Variants in FNDC3B observed in about 807,000 individuals in gnomAD.
FNDC3B encodes fibronectin type III domain containing 3B, also known as fibronectin type III domain-containing protein 3B.
In FNDC3B, 12 loss-of-function variants were observed where a neutral mutation model predicts 151.5. The observed-to-expected ratio is 0.08, with a 90% CI of 0.05 to 0.13. The LOEUF is 0.13. Ranked by LOEUF, FNDC3B falls within the 10% of genes least tolerant of loss-of-function variation. The probability of loss-of-function intolerance (pLI) is 1.00; values close to 1 mark genes in which losing one functional copy is unlikely to be tolerated. For synonymous variants in FNDC3B, 528 were observed against 549.0 expected (o/e 0.96, Z 0.54); for missense variants, 1,214 against 1,505.3 (o/e 0.81, Z 3.20).
At chr3:172,324,656 C>G (rs1232927152) in intron 11 of FNDC3B, among the ~76,000 whole-genome samples, 3 of 152,210 alleles carry the variant, frequency 2.0e-5, no homozygotes, top group African/African-American at 7.2e-5. Flanking sequence ...GGAAACAAGC[C>G]AGTGCACCCT....
At chr3:172,151,207 ACT>A (rs1249425697) in intron 3 of FNDC3B, among the ~76,000 whole-genome samples, 1 of 152,060 alleles carries the variant, frequency 6.6e-6, no homozygotes. Context: ...AGACACACAC[ACT>A]CTGTATGTGT....
chr3:172,253,252 A>G (rs1030905506), intron 6 of FNDC3B, among the ~76,000 whole-genome samples: 8 of 152,256 alleles, frequency 5.3e-5, no homozygotes, highest in African/African-American at 1.9e-4. Flanking sequence ...TGATAAGGGA[A>G]GGAAAATATT....
chr3:172,117,735 A>G (rs1484894496), intron 2 of FNDC3B, among the ~76,000 whole-genome samples: 1 of 152,194 alleles, frequency 6.6e-6, no homozygotes, highest in Non-Finnish European at 1.5e-5. Context: ...ATTGGATTAG[A>G]TACCTCTTTG....
chr3:172,170,612 T>A (rs1235495401), intron 3 of FNDC3B, among the ~76,000 whole-genome samples: 1 of 152,208 alleles, frequency 6.6e-6, no homozygotes, highest in Non-Finnish European at 1.5e-5. Context: ...CAGGTGGGCT[T>A]GGCAGAGACT....
chr3:172,166,117 G>A (rs1722989316), intron 3 of FNDC3B, among the ~76,000 whole-genome samples: 1 of 152,264 alleles, frequency 6.6e-6, no homozygotes, highest in African/African-American at 2.4e-5. Context: ...GAGAAGAAGA[G>A]TAGTCTTTGC....
chr3:172,312,240 G>C (rs895665708), intron 11 of FNDC3B, among the ~76,000 whole-genome samples: 1 of 152,212 alleles, frequency 6.6e-6, no homozygotes, highest in Non-Finnish European at 1.5e-5. Flanking sequence ...TGAACAGCTA[G>C]AGTTCCAAGT....
intron 3 of FNDC3B, among the ~76,000 whole-genome samples, chr3:172,198,644 CCTGA>C (rs370436706): frequency 3.0e-4 from 46 of 152,262 alleles, no homozygotes; most frequent in African/African-American, 1.1e-3. Context: ...ATGTCTTCCT[CCTGA>C]CTGTTTTCCA....
At chr3:172,387,084 G>A (rs1735755641) in intron 25 of FNDC3B, among the ~76,000 whole-genome samples, 1 of 152,090 alleles carries the variant, frequency 6.6e-6, no homozygotes, top group African/African-American at 2.4e-5. Flanking sequence ...AGCTTCCCAA[G>A]TAGATGGGAT....
intron 3 of FNDC3B, among the ~76,000 whole-genome samples, chr3:172,191,175 A>G (rs559429167): frequency 1.3e-5 from 2 of 152,368 alleles, no homozygotes; most frequent in Admixed American, 6.5e-5. Flanking sequence ...GCACACAGCT[A>G]TTGATGAATG....
At chr3:172,109,848 C>T (rs1013663687) in intron 1 of FNDC3B, among the ~76,000 whole-genome samples, 1 of 152,208 alleles carries the variant, frequency 6.6e-6, no homozygotes, top group Non-Finnish European at 1.5e-5. Context: ...TAATGATCTC[C>T]TTGTGCCAGT....
intron 23 of FNDC3B, among the ~76,000 whole-genome samples, chr3:172,376,230 A>G (rs575623679): frequency 5.9e-5 from 9 of 152,330 alleles, no homozygotes; most frequent in Middle Eastern, 3.4e-3. Context: ...TATGTATGTT[A>G]TCTGTTCTAT....
chr3:172,375,911 T>C (rs747130636), intron 23 of FNDC3B, among the ~76,000 whole-genome samples: 1 of 152,170 alleles, frequency 6.6e-6, no homozygotes, highest in Non-Finnish European at 1.5e-5. Flanking sequence ...CCGCCTTCAC[T>C]GAAAATAAGG....
intron 3 of FNDC3B, chr3:172,134,358 T>C: frequency 1.9e-6 from 1 of 518,352 alleles, no homozygotes; most frequent in Non-Finnish European, 3.9e-6. Flanking sequence ...GTAAACACTG[T>C]AGTGTTAAAA....
chr3:172,398,655 G>A lies in FNDC3B; in HGVS notation c.*1180G>A, dbSNP rs1201484576. 1 of 152,172 alleles carries A rather than the reference G, an allele frequency of 6.6e-6. No homozygotes were observed. The highest frequency in any genetic ancestry group is 2.4e-5 in the African/African-American group (1 of 41,442). 9.4% of individuals were successfully genotyped at this position (152,172 alleles called of 1,614,324 possible). A position where few individuals can be genotyped will look rare whatever the true frequency, so the allele number is the denominator to read the frequency against. On this transcript the variant is annotated 3_prime_UTR_variant, in exon 26 of 26. Transcript: ENST00000415807. ...AAACACAGGGTGTTTGGGGATCAAG[G>A]AGCCTAGATTCTCTCCCTGGATCTG...
At chr3:172,395,141 G>A (rs982746391) in intron 25 of FNDC3B, among the ~76,000 whole-genome samples, 4 of 152,026 alleles carry the variant, frequency 2.6e-5, no homozygotes, top group Non-Finnish European at 5.9e-5. Flanking sequence ...CACTTCACAG[G>A]TATTAACTCA....
intron 3 of FNDC3B, among the ~76,000 whole-genome samples, chr3:172,160,126 C>T (rs1722696188): frequency 6.6e-6 from 1 of 152,192 alleles, no homozygotes; most frequent in Admixed American, 6.5e-5. Flanking sequence ...CTGGCATGGT[C>T]CTGAAGCCAA....
intron 3 of FNDC3B, among the ~76,000 whole-genome samples, chr3:172,205,964 C>T (rs1295619841): frequency 6.6e-6 from 1 of 152,054 alleles, no homozygotes; most frequent in Non-Finnish European, 1.5e-5. Flanking sequence ...TATGAGGTAT[C>T]TTAGTATAAA....
At chr3:172,234,706 C>T (rs965185055) in intron 4 of FNDC3B, among the ~76,000 whole-genome samples, 12 of 152,124 alleles carry the variant, frequency 7.9e-5, no homozygotes, top group Non-Finnish European at 8.8e-5. Context: ...GAAATGACTT[C>T]GGAATCATTA....
chr3:172,190,418 G>A (rs939315666), intron 3 of FNDC3B, among the ~76,000 whole-genome samples: 2 of 152,144 alleles, frequency 1.3e-5, no homozygotes, highest in East Asian at 1.9e-4. Flanking sequence ...TGCTTTTAGT[G>A]TTCTTCCAAA....
Sources: gnomAD v4.1 joint callset for allele counts (sites outside exome capture counted in the v4.1 genomes callset) on GRCh38, gnomAD v4.1.1 for gene constraint, MANE v1.5 for transcripts, NCBI Gene and HGNC (gene_info 2026-07-23, HGNC 2026-07-21) for gene names.